The following ADAMTSL1 variants were observed in gnomAD, a reference collection of about 807,000 sequenced individuals.
The protein encoded by ADAMTSL1 is ADAMTS-like protein 1.
A neutral mutation model predicts 201.8 loss-of-function variants in ADAMTSL1; 126 were observed. That is an observed-to-expected ratio of 0.62 (90% CI 0.54 to 0.72). The LOEUF is 0.72. Among genes scored for constraint, ADAMTSL1 ranks in the 30% least tolerant of loss-of-function variants. The pLI is 0.00. For missense variants in ADAMTSL1, 2,679 were observed against 2,277.8 expected (o/e 1.18, Z -3.59); for synonymous variants, 1,121 against 903.4 (o/e 1.24, Z -4.32).
At chr9:18,702,935 G>A (rs567502910) in intron 13 of ADAMTSL1, among the ~76,000 whole-genome samples, 1 of 151,800 alleles carries the variant, frequency 6.6e-6, no homozygotes, top group African/African-American at 2.4e-5. Context: ...GCTAATTTTT[G>A]TATCTTTATA....
At chr9:18,794,120 C>G (rs911645211) in intron 19 of ADAMTSL1, among the ~76,000 whole-genome samples, 2 of 151,906 alleles carry the variant, frequency 1.3e-5, no homozygotes, top group African/African-American at 4.8e-5. Context: ...CTACTGGGAA[C>G]CTACTCTACA....
At chr9:18,220,884 C>T (rs1418063298) in intron 2 of ADAMTSL1, among the ~76,000 whole-genome samples, 1 of 151,972 alleles carries the variant, frequency 6.6e-6, no homozygotes, top group Admixed American at 6.6e-5. Flanking sequence ...AAGTTATCCT[C>T]CTGCCTCACC....
intron 2 of ADAMTSL1, among the ~76,000 whole-genome samples, chr9:18,165,029 A>G (rs933923293): frequency 6.6e-6 from 1 of 151,732 alleles, no homozygotes; most frequent in Admixed American, 6.6e-5. Context: ...ACATTTTCAT[A>G]TGGTTCATAT....
intron 2 of ADAMTSL1, among the ~76,000 whole-genome samples, chr9:18,505,722 G>T (rs1471586122): frequency 6.6e-6 from 1 of 152,200 alleles, no homozygotes; most frequent in African/African-American, 2.4e-5. Context: ...ACTATGAAAA[G>T]TGTTATGTAT....
chr9:18,706,487 T>G (rs1461093810), intron 13 of ADAMTSL1, among the ~76,000 whole-genome samples: 1 of 152,044 alleles, frequency 6.6e-6, no homozygotes, highest in Non-Finnish European at 1.5e-5. Context: ...GGGTGCAAAG[T>G]AGGGAGCAAG....
At chr9:18,333,566 A>G (rs1190170690) in intron 2 of ADAMTSL1, among the ~76,000 whole-genome samples, 2 of 152,226 alleles carry the variant, frequency 1.3e-5, no homozygotes, top group Non-Finnish European at 2.9e-5. Flanking sequence ...ATGACTTCAG[A>G]TAGCTTTACA....
At chr9:18,163,575 A>G (rs545761709) in intron 1 of ADAMTSL1, among the ~76,000 whole-genome samples, 128 of 152,078 alleles carry the variant, frequency 8.4e-4, no homozygotes, top group Non-Finnish European at 4.4e-5. Flanking sequence ...GAGCCTGACC[A>G]TATTGGACCT....
chr9:18,493,794 G>C (rs1169365795), intron 1 of ADAMTSL1, among the ~76,000 whole-genome samples: 1 of 152,172 alleles, frequency 6.6e-6, no homozygotes, highest in Non-Finnish European at 1.5e-5. Context: ...AAGAGTGAAA[G>C]CTGACAGCTG....
intron 2 of ADAMTSL1, among the ~76,000 whole-genome samples, chr9:18,241,168 A>G (rs1024760702): frequency 2.0e-5 from 3 of 152,118 alleles, no homozygotes; most frequent in African/African-American, 7.2e-5. Flanking sequence ...TTTTCTGTCT[A>G]TTTTGGTGTT....
chr9:17,930,262 C>G (rs892128294), intron 1 of ADAMTSL1, among the ~76,000 whole-genome samples: 3 of 152,096 alleles, frequency 2.0e-5, no homozygotes, highest in Non-Finnish European at 2.9e-5. Flanking sequence ...TCTCTGCCGT[C>G]TTTAACACAT....
intron 2 of ADAMTSL1, among the ~76,000 whole-genome samples, chr9:18,384,864 T>A (rs1194674113): frequency 6.6e-6 from 1 of 152,158 alleles, no homozygotes; most frequent in African/African-American, 2.4e-5. Context: ...ACCTTACTCT[T>A]TCCTTGTCTC....
At chr9:18,067,265 G>A (rs1304980215) in intron 1 of ADAMTSL1, among the ~76,000 whole-genome samples, 1 of 152,030 alleles carries the variant, frequency 6.6e-6, no homozygotes, top group African/African-American at 2.4e-5. Flanking sequence ...TCGTTGTTAA[G>A]GTCACAATAG....
intron 1 of ADAMTSL1, among the ~76,000 whole-genome samples, chr9:18,049,558 A>G (rs1175829092): frequency 1.3e-5 from 2 of 152,050 alleles, no homozygotes; most frequent in Non-Finnish European, 2.9e-5. Context: ...GGACCAGCAG[A>G]GCCCAGTGGT....
intron 2 of ADAMTSL1, among the ~76,000 whole-genome samples, chr9:18,244,659 C>A (rs1345806712): frequency 6.6e-6 from 1 of 152,124 alleles, no homozygotes; most frequent in African/African-American, 2.4e-5. Flanking sequence ...ACCTACTGGG[C>A]ATTTTCTCAT....
At chr9:18,414,225 A>T (rs1818574871) in intron 2 of ADAMTSL1, among the ~76,000 whole-genome samples, 1 of 152,202 alleles carries the variant, frequency 6.6e-6, no homozygotes, top group Non-Finnish European at 1.5e-5. Flanking sequence ...TAAATCTGAG[A>T]TGTCACATAA....
At chr9:18,006,603 A>G (rs533356127) in intron 1 of ADAMTSL1, among the ~76,000 whole-genome samples, 12 of 152,122 alleles carry the variant, frequency 7.9e-5, no homozygotes, top group South Asian at 4.1e-4. Context: ...TGTGAAAAAG[A>G]CCTTGGATAT....
chr9:18,183,643 G>T (rs886700670), intron 2 of ADAMTSL1, among the ~76,000 whole-genome samples: 1 of 152,100 alleles, frequency 6.6e-6, no homozygotes. Context: ...TCACTAGGGG[G>T]ATGCAAATTA....
intron 2 of ADAMTSL1, among the ~76,000 whole-genome samples, chr9:18,304,958 G>A (rs1421495591): frequency 2.0e-5 from 3 of 152,184 alleles, no homozygotes; most frequent in East Asian, 1.9e-4. Flanking sequence ...AGCTCCCAGC[G>A]TGATCTACAC....
At chr9:18,516,452 A>G (rs1223893087) in intron 2 of ADAMTSL1, among the ~76,000 whole-genome samples, 3 of 152,246 alleles carry the variant, frequency 2.0e-5, no homozygotes, top group African/African-American at 2.4e-5. Context: ...AGAGCCAGCC[A>G]CTGCCTTTGG....
Sources: gnomAD v4.1 joint callset for allele counts (sites outside exome capture counted in the v4.1 genomes callset) on GRCh38, gnomAD v4.1.1 for gene constraint, MANE v1.5 for transcripts, NCBI Gene and HGNC (gene_info 2026-07-23, HGNC 2026-07-21) for gene names.